Variants in EIF2B3 observed in about 807,000 individuals in gnomAD.
The protein encoded by EIF2B3 is translation initiation factor eIF2B subunit gamma.
Under a neutral mutation model 54.1 loss-of-function variants are expected in EIF2B3, and 20 were observed. The observed-to-expected ratio is 0.37, with a 90% CI of 0.26 to 0.54. EIF2B3 has a LOEUF of 0.54. Ranked by LOEUF, EIF2B3 falls within the 20% of genes least tolerant of loss-of-function variation. EIF2B3 has a pLI of 0.86. For synonymous variants in EIF2B3, 153 were observed against 188.1 expected, an observed-to-expected ratio of 0.81 and a Z score of 1.52; for missense variants, 448 against 547.8, an observed-to-expected ratio of 0.82 and a Z score of 1.82.
At chr1:44,954,311 A>G (rs917638036) in intron 3 of EIF2B3, among the ~76,000 whole-genome samples, 3 of 152,154 alleles carry the variant, frequency 2.0e-5, no homozygotes, top group African/African-American at 7.2e-5. Context: ...GAATCTATAA[A>G]TTACTTTGGG....
At chr1:44,931,573 T>C (rs892113809) in intron 4 of EIF2B3, among the ~76,000 whole-genome samples, 3 of 152,278 alleles carry the variant, frequency 2.0e-5, no homozygotes, top group Non-Finnish European at 4.4e-5. Flanking sequence ...AAATGTTTGT[T>C]GTTTTAAGCC....
At chr1:44,891,752 T>C (rs1020634761) in intron 6 of EIF2B3, among the ~76,000 whole-genome samples, 3 of 152,190 alleles carry the variant, frequency 2.0e-5, no homozygotes, top group Non-Finnish European at 4.4e-5. Flanking sequence ...ATTTGTAGGC[T>C]TCTATGCTCT....
chr1:44,902,227 T>A (rs1643320935), intron 5 of EIF2B3, among the ~76,000 whole-genome samples: 1 of 152,230 alleles, frequency 6.6e-6, no homozygotes, highest in African/African-American at 2.4e-5. Context: ...GTTTTGAGCT[T>A]GGGAAGCATA....
At chr1:44,951,631 C>T (rs1644161425) in intron 3 of EIF2B3, among the ~76,000 whole-genome samples, 1 of 152,182 alleles carries the variant, frequency 6.6e-6, no homozygotes, top group Non-Finnish European at 1.5e-5. Context: ...AAACTGGTAA[C>T]AGCATTGGCT....
chr1:44,888,128 T>C (rs574353407), intron 6 of EIF2B3, among the ~76,000 whole-genome samples: 1 of 152,306 alleles, frequency 6.6e-6, no homozygotes, highest in Non-Finnish European at 1.5e-5. Context: ...TGGATACAGA[T>C]GACAGGGCCC....
intron 6 of EIF2B3, among the ~76,000 whole-genome samples, chr1:44,886,919 C>CTTGTTTTTTTTTTT (rs113891249): frequency 6.6e-6 from 1 of 151,866 alleles, no homozygotes; most frequent in African/African-American, 2.4e-5. Flanking sequence ...CTTAATTCAG[C>CTTGTTTTTTTTTTT]TTTTCTTTCT....
chr1:44,935,318 A>T (rs543316422), intron 4 of EIF2B3, among the ~76,000 whole-genome samples: 1 of 152,366 alleles, frequency 6.6e-6, no homozygotes, highest in South Asian at 2.1e-4. Flanking sequence ...TAAATATATT[A>T]TCTTCTCACT....
intron 6 of EIF2B3, among the ~76,000 whole-genome samples, chr1:44,888,882 T>C (rs1437213672): frequency 6.6e-6 from 1 of 152,220 alleles, no homozygotes; most frequent in African/African-American, 2.4e-5. Flanking sequence ...ATGTCATAGC[T>C]AGCTCTAAAA....
chr1:44,899,951 A>C (rs1038818661), intron 5 of EIF2B3, among the ~76,000 whole-genome samples: 16 of 152,240 alleles, frequency 1.1e-4, no homozygotes, highest in African/African-American at 3.6e-4. Context: ...TCAACAGTGG[A>C]CTGGATAAAG....
At position 44,902,829 on chromosome 1, in the gene EIF2B3, T is replaced by TAAAA. The variant is rs11458839; in HGVS notation, c.567-5389_567-5386dup. On this transcript the variant is annotated intron_variant, in intron 5 of 11. Coordinates refer to ENST00000360403, the MANE Select transcript of EIF2B3 (RefSeq NM_020365.5). ...GGCAACAGAAAAGAGACTCTTTCTT[T>TAAAA]AAAAAAAAAAAAAAAAAAAAAAAAA... 4.5e-3 allele frequency among the ~76,000 whole-genome samples: 385 copies of TAAAA among 85,410 alleles called. 14 individuals carry two copies. Among genetic ancestry groups the TAAAA allele is most frequent in the African/African-American group, 7.7e-3 (205 of 26,520 alleles). 56.0% of individuals were successfully genotyped at this position (85,410 alleles called of 152,430 possible).
Position 44,980,869 on chromosome 1 carries a change from C to T in EIF2B3, c.148+152G>A, listed in dbSNP as rs1192666029. 10 of 913,200 alleles carry T rather than the reference C, an allele frequency of 1.1e-5. No individual in the cohort carries two copies. In the East Asian group the frequency reaches 2.6e-4, roughly 24 times the overall value. 56.6% of individuals were successfully genotyped at this position (913,200 alleles called of 1,614,324 possible). On this transcript the variant is annotated intron_variant, in intron 2 of 11. Transcript: ENST00000360403. Reference sequence around the variant, plus strand: ...TGCTATCCTCTCAACCTTTTTCACACAGCAATAGAGTACTCCTACATTCCT... The same window carrying T: ...TGCTATCCTCTCAACCTTTTTCACATAGCAATAGAGTACTCCTACATTCCT...
intron 5 of EIF2B3, among the ~76,000 whole-genome samples, chr1:44,920,731 T>A (rs1643722848): frequency 6.6e-6 from 1 of 152,238 alleles, no homozygotes; most frequent in Non-Finnish European, 1.5e-5. Context: ...CATTCTTTTT[T>A]ATGTCTGAAT....
intron 5 of EIF2B3, among the ~76,000 whole-genome samples, chr1:44,922,955 C>A (rs1446509613): frequency 6.9e-6 from 1 of 145,272 alleles, no homozygotes; most frequent in African/African-American, 2.5e-5. Flanking sequence ...AAGCACTTCT[C>A]ATGCGTTAGC....
In EIF2B3 at chr1:44,886,902, C is replaced by A. The variant is rs571628970; in HGVS notation, c.657-5163G>T. Reference sequence around the variant, plus strand: ...AATCATTAATTGTTCAATTAAACTCCTTTAAACTTAATTCAGCTTTTCTTT... The same window carrying A: ...AATCATTAATTGTTCAATTAAACTCATTTAAACTTAATTCAGCTTTTCTTT... On this transcript the variant is annotated intron_variant, in intron 6 of 11. Transcript: ENST00000360403. 4.7e-5 allele frequency among the ~76,000 whole-genome samples: 7 copies of A among 148,308 alleles called. No homozygotes were observed. The South Asian group carries it at 1.1e-3, about 22-fold the overall frequency.
chr1:44,960,325 C>T (rs620764), intron 3 of EIF2B3, among the ~76,000 whole-genome samples: 72,184 of 151,872 alleles, frequency 0.48, 17,937 homozygotes, highest in African/African-American at 0.62. Context: ...AAAATACAAA[C>T]TAAAAACTAA....
At chr1:44,965,023 T>G (rs1315874898) in intron 3 of EIF2B3, among the ~76,000 whole-genome samples, 1 of 152,238 alleles carries the variant, frequency 6.6e-6, no homozygotes, top group African/African-American at 2.4e-5. Flanking sequence ...AGGATCCATA[T>G]CCAAGGAGTC....
intron 11 of EIF2B3, among the ~76,000 whole-genome samples, 155 bp downstream of exon 11, chr1:44,857,549 G>T (rs377729109): frequency 6.6e-6 from 1 of 151,826 alleles, no homozygotes; most frequent in South Asian, 2.1e-4. Context: ...AAAATTGACA[G>T]TGATGTCAAC....
intron 5 of EIF2B3, among the ~76,000 whole-genome samples, chr1:44,910,846 CTTTTT>C (rs937044787): frequency 6.6e-6 from 1 of 151,782 alleles, no homozygotes; most frequent in African/African-American, 2.4e-5. Flanking sequence ...CTCTCTCTTT[CTTTTT>C]TAAATTTTTT....
At chr1:44,943,958 A>G (rs1644067934) in intron 3 of EIF2B3, among the ~76,000 whole-genome samples, 1 of 151,972 alleles carries the variant, frequency 6.6e-6, no homozygotes, top group Admixed American at 6.6e-5. Context: ...CAGCCTGAGC[A>G]ACACAGTGAA....
Sources: gnomAD v4.1 joint callset for allele counts (sites outside exome capture counted in the v4.1 genomes callset) on GRCh38, gnomAD v4.1.1 for gene constraint, MANE v1.5 for transcripts, NCBI Gene and HGNC (gene_info 2026-07-23, HGNC 2026-07-21) for gene names.